Variants in SPAG16 observed in about 807,000 individuals in gnomAD.
SPAG16 encodes the protein sperm-associated antigen 16 protein.
In SPAG16, 86 loss-of-function variants were observed where a neutral mutation model predicts 80.4. The observed-to-expected ratio is 1.07, with a 90% confidence interval of 0.90 to 1.28. SPAG16 has a LOEUF of 1.28. SPAG16 is among the 50% of genes most tolerant of loss of function. The probability of loss-of-function intolerance (pLI) is 0.00; values close to 1 mark genes in which losing one functional copy is unlikely to be tolerated. For synonymous variants in SPAG16, 294 were observed against 265.9 expected (o/e 1.11, Z -1.03); for missense variants, 870 against 765.3 (o/e 1.14, Z -1.61).
chr2:213,633,172 G>T (rs927011913), intron 10 of SPAG16, among the ~76,000 whole-genome samples: 1 of 152,026 alleles, frequency 6.6e-6, no homozygotes, highest in African/African-American at 2.4e-5. Context: ...TTCAGGTTTT[G>T]GATTTCTTCC....
At chr2:214,014,419 A>G (rs1190795626) in intron 13 of SPAG16, among the ~76,000 whole-genome samples, 1 of 152,224 alleles carries the variant, frequency 6.6e-6, no homozygotes, top group African/African-American at 2.4e-5. Context: ...GAAACGAGAG[A>G]TTATTTTGAT....
intron 12 of SPAG16, among the ~76,000 whole-genome samples, chr2:213,936,567 A>G (rs952176996): frequency 2.6e-5 from 4 of 152,194 alleles, no homozygotes; most frequent in African/African-American, 7.2e-5. Context: ...AAGTCATAAA[A>G]ATTGTATTCT....
Position 214,135,905 on chromosome 2 carries a change from A to G in SPAG16, c.1594-13235A>G, listed in dbSNP as rs117634509. Among the ~76,000 whole-genome samples the G allele has an allele frequency of 1.9e-3, 295 of 152,254 alleles. 6 individuals are homozygous for G. Among genetic ancestry groups the G allele is most frequent in the Admixed American group, 0.016 (242 of 15,288 alleles). On this transcript the variant is annotated intron_variant, in intron 14 of 15. Transcript: ENST00000331683. ...CTGCAGGAATATCGGAGGCTGGGCAATTTATAAAGAAAAGAGCTTTGGGTG... is the reference window on the plus strand; with the variant it reads ...CTGCAGGAATATCGGAGGCTGGGCAGTTTATAAAGAAAAGAGCTTTGGGTG...
At chr2:213,860,482 T>TATAGATATATAG (rs1553646318) in intron 10 of SPAG16, among the ~76,000 whole-genome samples, 1 of 132,866 alleles carries the variant, frequency 7.5e-6, no homozygotes, top group Non-Finnish European at 1.6e-5. Flanking sequence ...TCTATATATA[T>TATAGATATATAG]ATATACACAC....
intron 15 of SPAG16, among the ~76,000 whole-genome samples, chr2:214,166,419 G>A (rs568664446): frequency 1.7e-4 from 26 of 152,218 alleles, no homozygotes; most frequent in African/African-American, 5.8e-4. Flanking sequence ...CCACGCCCCC[G>A]GGCTCGGGTG....
intron 13 of SPAG16, among the ~76,000 whole-genome samples, chr2:214,073,144 T>TA (rs535891133): frequency 4.0e-5 from 6 of 151,304 alleles, no homozygotes; most frequent in Non-Finnish European, 8.8e-5. Context: ...AAAGTAGCAA[T>TA]AAAAAATCAA....
intron 9 of SPAG16, among the ~76,000 whole-genome samples, chr2:213,451,954 C>G (rs1479900330): frequency 6.6e-6 from 1 of 151,458 alleles, no homozygotes; most frequent in African/African-American, 2.4e-5. Flanking sequence ...CATCTCACCC[C>G]ACTCCCTCCC....
At chr2:213,813,561 C>T (rs1185097548) in intron 10 of SPAG16, among the ~76,000 whole-genome samples, 2 of 152,088 alleles carry the variant, frequency 1.3e-5, no homozygotes, top group South Asian at 2.1e-4. Context: ...CACTCCTGTG[C>T]CCTGGTCCAG....
intron 10 of SPAG16, among the ~76,000 whole-genome samples, chr2:213,631,997 T>C (rs58001128): frequency 0.011 from 1,644 of 152,106 alleles, 31 homozygotes; most frequent in African/African-American, 0.037. Context: ...AATATTAGGA[T>C]TTTTTTTCTA....
intron 10 of SPAG16, among the ~76,000 whole-genome samples, chr2:213,734,219 G>T (rs2067187812): frequency 6.6e-6 from 1 of 152,094 alleles, no homozygotes; most frequent in Non-Finnish European, 1.5e-5. Flanking sequence ...AATGAAACTG[G>T]CCATGAGCAG....
chr2:214,127,898 A>G (rs899842271), intron 14 of SPAG16, among the ~76,000 whole-genome samples: 1 of 151,972 alleles, frequency 6.6e-6, no homozygotes, highest in African/African-American at 2.4e-5. Context: ...TGTTATAACA[A>G]AATAAAAAGT....
chr2:213,761,527 A>C (rs949534555), intron 10 of SPAG16, among the ~76,000 whole-genome samples: 4 of 152,170 alleles, frequency 2.6e-5, no homozygotes, highest in African/African-American at 9.7e-5. Flanking sequence ...ACTAATAAAA[A>C]ATGAGAGAAA....
intron 10 of SPAG16, among the ~76,000 whole-genome samples, chr2:213,516,166 A>C (rs2075416136): frequency 6.6e-6 from 1 of 152,212 alleles, no homozygotes; most frequent in East Asian, 1.9e-4. Context: ...AATTCAGCTA[A>C]TGCAGAGAAA....
chr2:213,880,657 A>G (rs1404405387), intron 11 of SPAG16, among the ~76,000 whole-genome samples: 1 of 152,138 alleles, frequency 6.6e-6, no homozygotes, highest in African/African-American at 2.4e-5. Context: ...TTTATATATG[A>G]TGAAAGGTAA....
chr2:213,792,686 C>T lies in SPAG16; in HGVS notation c.1071-69799C>T, dbSNP rs186060519. Among the ~76,000 whole-genome samples the T allele has an allele frequency of 4.7e-3, 669 of 143,638 alleles. 3 individuals are homozygous for T. Among genetic ancestry groups the T allele is most frequent in the African/African-American group, 0.016 (635 of 38,848 alleles). The allele number at this position is 143,638 out of a possible 152,430, so 94.2% of individuals were successfully genotyped here. ...GCAACCTCCGCCTCCTGGGTTCAAG[C>T]GATTCTCCTGCCTCAGCCTCCCGAG... On this transcript the variant is annotated intron_variant, in intron 10 of 15. Transcript: ENST00000331683.
At chr2:213,319,305 ATATT>A (rs1431456153) in intron 5 of SPAG16, among the ~76,000 whole-genome samples, 2 of 151,922 alleles carry the variant, frequency 1.3e-5, no homozygotes, top group African/African-American at 2.4e-5. Context: ...AGTAGAGAAA[ATATT>A]TAAGCTCTTG....
At chr2:213,368,939 C>T (rs539570481) in intron 8 of SPAG16, among the ~76,000 whole-genome samples, 27 of 152,256 alleles carry the variant, frequency 1.8e-4, no homozygotes, top group African/African-American at 6.5e-4. Context: ...GAAGAACATT[C>T]CATGCTCATG....
At chr2:213,854,676 C>T (rs2075069080) in intron 10 of SPAG16, among the ~76,000 whole-genome samples, 1 of 152,290 alleles carries the variant, frequency 6.6e-6, no homozygotes, top group East Asian at 1.9e-4. Flanking sequence ...CTACAGTAGT[C>T]CCATTTCTTC....
chr2:213,872,242 A>C (rs10209608), intron 11 of SPAG16, among the ~76,000 whole-genome samples: 90,276 of 151,914 alleles, frequency 0.59, 28,710 homozygotes, highest in South Asian at 0.85. Context: ...CTAGAGAGAC[A>C]AGAGAGAACC....
Sources: gnomAD v4.1 joint callset for allele counts (sites outside exome capture counted in the v4.1 genomes callset) on GRCh38, gnomAD v4.1.1 for gene constraint, MANE v1.5 for transcripts, NCBI Gene and HGNC (gene_info 2026-07-23, HGNC 2026-07-21) for gene names.